SPIN3: variants seen among roughly 807,000 people sequenced by gnomAD.
SPIN3 encodes spindlin-3.
For synonymous variants in SPIN3, 74 were observed against 74.3 expected (o/e 1.00, Z 0.02); for missense variants, 176 against 196.4 (o/e 0.90, Z 0.62).
chrX:56,995,120 C>A, intron 1 of SPIN3, 96 bp downstream of exon 1: 2 of 482,701 alleles, frequency 4.1e-6, no homozygotes, highest in East Asian at 7.5e-5. Flanking sequence ...TGAGTGCCTG[C>A]AGTAACCTTC....
chrX:56,995,006 T>C, intron 1 of SPIN3, 57 bp from the exon 2 acceptor site: 1 of 1,076,562 alleles, frequency 9.3e-7, no homozygotes, highest in Admixed American at 3.5e-5. Flanking sequence ...ACAAAATCAA[T>C]GCATAACACG....
intron 2 of SPIN3, among the ~76,000 whole-genome samples, chrX:56,984,826 A>T (rs1175732472): frequency 9.0e-6 from 1 of 111,533 alleles, no homozygotes; most frequent in Non-Finnish European, 1.9e-5. Context: ...CTCTCCCATG[A>T]ACTGCACACT....
At chrX:56,987,532 T>G (rs892822059), downstream of SPIN3, among the ~76,000 whole-genome samples, 1 of 111,711 alleles carries the variant, frequency 9.0e-6, no homozygotes, top group Non-Finnish European at 1.9e-5. Flanking sequence ...TTATTTAGGT[T>G]ATTTGTCTAT....
downstream of SPIN3, among the ~76,000 whole-genome samples, chrX:56,985,843 A>G (rs1448824984): frequency 9.0e-6 from 1 of 111,411 alleles, no homozygotes; most frequent in Non-Finnish European, 1.9e-5. Context: ...AAACACACTT[A>G]TCTCTTAGGC....
downstream of SPIN3, among the ~76,000 whole-genome samples, chrX:56,989,776 G>T (rs1248362005): frequency 9.0e-6 from 1 of 111,654 alleles, no homozygotes; most frequent in Non-Finnish European, 1.9e-5. Context: ...AATGCCTGAT[G>T]ATCTGTTGCT....
downstream of SPIN3, among the ~76,000 whole-genome samples, chrX:56,988,021 C>T (rs1569324140): frequency 8.9e-6 from 1 of 111,749 alleles, no homozygotes; most frequent in Non-Finnish European, 1.9e-5. Flanking sequence ...AAGAGTGTTA[C>T]TCTCTCTATC....
In SPIN3 at chrX:56,994,875, CAG is replaced by C. The variant is rs1258707167; in HGVS notation, c.71_72del (p.Ser24CysfsTer14). 2 of 1,209,937 alleles carry C rather than the reference CAG, an allele frequency of 1.7e-6. No homozygotes were observed. The highest frequency in any genetic ancestry group is 2.2e-6 in the Non-Finnish European group (2 of 895,186). On this transcript the variant is annotated frameshift_variant, in exon 2 of 2. Coordinates refer to ENST00000374919, the MANE Select transcript of SPIN3 (RefSeq NM_001010862.3). LOFTEE classifies it low-confidence loss of function (END_TRUNC). ...SRTGAGHGSV[S>X]VTMIKRKAAH... Reference sequence around the variant, plus strand: ...GCAGCCTTCCTCTTTATCATGGTAACAGACACACTGCCGTGGCCAGCGCCCGT... The same window carrying C: ...GCAGCCTTCCTCTTTATCATGGTAACACACACTGCCGTGGCCAGCGCCCGT...
At position 56,995,216 on chromosome X, in the gene SPIN3, C is replaced by G. The variant is rs767619633; in HGVS notation, c.-3G>C. ...CCCCTCGCCCTGCTTCCAACACTAC[C>G]CGGCCAGGAGGCGCAGATTCCCCAC... On this transcript the variant is annotated splice_region_variant and 5_prime_UTR_variant, in exon 1 of 2. Coordinates refer to ENST00000374919, the MANE Select transcript of SPIN3 (RefSeq NM_001010862.3). The G allele has an allele frequency of 3.2e-6, 1 of 310,732 alleles. No individual in the cohort carries two copies. Among genetic ancestry groups the G allele is most frequent in the African/African-American group, 2.7e-5 (1 of 37,424 alleles). 25.6% of individuals were successfully genotyped at this position (310,732 alleles called of 1,213,427 possible). A position where few individuals can be genotyped will look rare whatever the true frequency, so the allele number is the denominator to read the frequency against.
intron 3 of SPIN3, chrX:56,982,991 G>C (rs756868226): frequency 5.4e-5 from 6 of 111,607 alleles, no homozygotes; most frequent in Non-Finnish European, 1.1e-4. Flanking sequence ...AAATAGTTAA[G>C]CTACAAAGGT....
At chrX:56,994,970 G>T in intron 1 of SPIN3, 21 bp from the exon 2 acceptor site, 1 of 1,152,008 alleles carries the variant, frequency 8.7e-7, no homozygotes. Context: ...GAGCACAGTT[G>T]CCAGGTGGAC....
chrX:56,988,602 T>C (rs770139407), downstream of SPIN3, among the ~76,000 whole-genome samples: 28 of 111,033 alleles, frequency 2.5e-4, no homozygotes, highest in Admixed American at 1.2e-3. Context: ...CAGGTAAGTA[T>C]AGGAAATAAT....
intron 3 of SPIN3, chrX:56,982,118 A>T (rs1030665880): frequency 9.0e-6 from 1 of 111,724 alleles, no homozygotes; most frequent in African/African-American, 3.3e-5. Context: ...ACATCCTCTC[A>T]GGGTAAATGG....
At chrX:56,986,073 CTTAT>C (rs1162542064), downstream of SPIN3, among the ~76,000 whole-genome samples, 5 of 111,239 alleles carry the variant, frequency 4.5e-5, no homozygotes, top group African/African-American at 1.6e-4. Context: ...ACATAATTTA[CTTAT>C]TATTATTATT....
At chrX:56,985,084 A>G (rs1924196441) in intron 2 of SPIN3, among the ~76,000 whole-genome samples, 1 of 111,723 alleles carries the variant, frequency 9.0e-6, no homozygotes, top group South Asian at 3.8e-4. Flanking sequence ...CCTTCAAAAT[A>G]TACCCCAAAT....
Position 56,994,729 on chromosome X carries a change from C to T in SPIN3, c.219G>A (p.Leu73=). 8.3e-7 allele frequency: 1 copy of T among 1,211,702 alleles called. No homozygotes were observed. Among genetic ancestry groups the T allele is most frequent in the South Asian group, 1.8e-5 (1 of 56,929 alleles). Residue 73 remains leucine, a synonymous_variant, in exon 2 of 2, where the codon CTG becomes CTA. Transcript: ENST00000374919. ...EPLTQWKGTV[L]DQVPVNPSLY... ...GAGAGGGATTTACAGGTACCTGATC[C>T]AGAACGGTTCCTTTCCACTGTGTTA...
chrX:56,976,175 C>T (rs747447974), downstream of SPIN3: 1 of 111,648 alleles, frequency 9.0e-6, no homozygotes, highest in African/African-American at 3.2e-5. Context: ...AATGGAGAAT[C>T]GGATAAGTAT....
exon 5 of SPIN3, chrX:56,978,353 C>G (rs1054011323): frequency 1.8e-4 from 20 of 111,578 alleles, no homozygotes; most frequent in African/African-American, 6.2e-4. Context: ...AAAATTTGGC[C>G]TTGAACTCCA....
intron 3 of SPIN3, among the ~76,000 whole-genome samples, chrX:56,981,165 A>T (rs1259262053): frequency 9.1e-6 from 1 of 109,749 alleles, no homozygotes; most frequent in Non-Finnish European, 1.9e-5. Flanking sequence ...GTTTGAGACC[A>T]GCCTGGCCAA....
At chrX:56,975,906 G>A (rs894102830), downstream of SPIN3, 28 of 111,207 alleles carry the variant, frequency 2.5e-4, no homozygotes, top group African/African-American at 8.5e-4. Flanking sequence ...GCTCCTAGAT[G>A]TGTGTGTAAG....
Sources: gnomAD v4.1 joint callset for allele counts (sites outside exome capture counted in the v4.1 genomes callset) on GRCh38, gnomAD v4.1.1 for gene constraint, MANE v1.5 for transcripts, NCBI Gene and HGNC (gene_info 2026-07-23, HGNC 2026-07-21) for gene names.